MARK1: variants seen among roughly 807,000 people sequenced by gnomAD.
The protein encoded by MARK1 is serine/threonine-protein kinase MARK1.
In MARK1, 40 loss-of-function variants were observed where a neutral mutation model predicts 96.3. That is an observed-to-expected ratio of 0.42 (90% CI 0.32 to 0.54). The LOEUF (loss-of-function observed/expected upper bound fraction) is 0.54, where lower values mean the gene tolerates loss of function less well. MARK1 is among the 20% of genes least tolerant of loss of function. The pLI is 0.16. For synonymous variants in MARK1, 317 were observed against 341.2 expected, an observed-to-expected ratio of 0.93 and a Z score of 0.78; for missense variants, 719 against 984.6, an observed-to-expected ratio of 0.73 and a Z score of 3.61.
chr1:220,608,076 G>A (rs1250421834), intron 6 of MARK1, among the ~76,000 whole-genome samples: 1 of 152,194 alleles, frequency 6.6e-6, no homozygotes, highest in African/African-American at 2.4e-5. Context: ...CATAAAATGA[G>A]TTAGGGAGGA....
chr1:220,657,007 T>A (rs1275208187), intron 16 of MARK1, among the ~76,000 whole-genome samples: 2 of 152,220 alleles, frequency 1.3e-5, no homozygotes, highest in Non-Finnish European at 2.9e-5. Context: ...GCTAAAACAT[T>A]AAGACAGTAT....
chr1:220,612,365 T>A (rs1483425912), intron 6 of MARK1, among the ~76,000 whole-genome samples: 1 of 152,198 alleles, frequency 6.6e-6, no homozygotes, highest in African/African-American at 2.4e-5. Context: ...TAAAATTGGC[T>A]TGGTTTTTTA....
At chr1:220,649,192 A>T (rs958783743) in intron 13 of MARK1, among the ~76,000 whole-genome samples, 1 of 151,794 alleles carries the variant, frequency 6.6e-6, no homozygotes, top group Non-Finnish European at 1.5e-5. Context: ...GCATAATCGA[A>T]TCAATTTTCT....
At chr1:220,660,242 A>G (rs1371300754) in intron 17 of MARK1, among the ~76,000 whole-genome samples, 2 of 152,160 alleles carry the variant, frequency 1.3e-5, no homozygotes, top group Admixed American at 6.5e-5. Flanking sequence ...CTGTGATGCA[A>G]TGGCTTAGAT....
At position 220,615,895 on chromosome 1, in the gene MARK1, GT is replaced by G. The variant is rs762552692; in HGVS notation, c.496-37del. The G allele has an allele frequency of 9.2e-6, 10 of 1,087,698 alleles. No homozygotes were observed. The East Asian group carries it at 2.0e-4, about 22-fold the overall frequency. The allele number at this position is 1,087,698 out of a possible 1,614,324, so 67.4% of individuals were successfully genotyped here. A position where few individuals can be genotyped will look rare whatever the true frequency, so the allele number is the denominator to read the frequency against. On this transcript the variant is annotated intron_variant, in intron 6 of 17. Coordinates refer to ENST00000366917, the MANE Select transcript of MARK1 (RefSeq NM_018650.5). ...GGAGGTGATTATTGGGGAAAATTGC[GT>G]TTTTTTAATAATTTGACTCTTTTAT...
rs1031704298 is a variant in MARK1, at chr1:220,658,034, G to A, written c.2033+200G>A. On this transcript the variant is annotated intron_variant, in intron 17 of 17. Transcript: ENST00000366917. ...AACTTTAAGTTTGTTTTCCAAACAT[G>A]CATTTGAATTGTGTACTTGGTATAG... is the stretch of plus-strand genomic sequence containing the variant. Among the ~76,000 whole-genome samples, 4 of 152,168 alleles carry A rather than the reference G, an allele frequency of 2.6e-5. No individual in the cohort carries two copies. In the South Asian group the frequency reaches 6.2e-4, roughly 24 times the overall value.
At chr1:220,661,060 G>A (rs1348454647) in intron 17 of MARK1, among the ~76,000 whole-genome samples, 2 of 152,210 alleles carry the variant, frequency 1.3e-5, no homozygotes, top group African/African-American at 2.4e-5. Context: ...AGCCATCTGG[G>A]GAGAAGCATT....
chr1:220,606,856 C>T (rs918933899), intron 6 of MARK1, among the ~76,000 whole-genome samples: 1 of 152,076 alleles, frequency 6.6e-6, no homozygotes, highest in Non-Finnish European at 1.5e-5. Flanking sequence ...ATTTCTGAGG[C>T]CTCTGTTCTG....
At chr1:220,568,844 T>TA (rs1329583551) in intron 1 of MARK1, among the ~76,000 whole-genome samples, 1 of 152,172 alleles carries the variant, frequency 6.6e-6, no homozygotes, top group Admixed American at 6.5e-5. Context: ...TTTTTGCTGT[T>TA]ACAAACAGTG....
chr1:220,563,472 C>CA (rs1246404848), intron 1 of MARK1, among the ~76,000 whole-genome samples: 2 of 152,006 alleles, frequency 1.3e-5, no homozygotes, highest in Non-Finnish European at 2.9e-5. Context: ...GTAAATAAGA[C>CA]AGACAAGATT....
At chr1:220,540,445 T>G (rs1251546609) in intron 1 of MARK1, among the ~76,000 whole-genome samples, 1 of 152,258 alleles carries the variant, frequency 6.6e-6, no homozygotes, top group Non-Finnish European at 1.5e-5. Flanking sequence ...TTTGTTCAGT[T>G]GCTGATCAAA....
intron 9 of MARK1, chr1:220,626,737 G>T (rs1186812256): frequency 9.0e-6 from 3 of 333,964 alleles, no homozygotes; most frequent in African/African-American, 6.5e-5. Context: ...CATGAGAATC[G>T]CTTGCACCCT....
At chr1:220,622,014 A>G (rs1276223335) in intron 9 of MARK1, among the ~76,000 whole-genome samples, 2 of 152,120 alleles carry the variant, frequency 1.3e-5, no homozygotes, top group African/African-American at 4.8e-5. Flanking sequence ...CAGTTATATA[A>G]TTTTTTCAGG....
chr1:220,566,307 G>A (rs1273942295), intron 1 of MARK1, among the ~76,000 whole-genome samples: 1 of 152,088 alleles, frequency 6.6e-6, no homozygotes, highest in Non-Finnish European at 1.5e-5. Context: ...GTGACCAGAT[G>A]AAAGAACCAC....
chr1:220,576,565 G>A (rs115328248), intron 1 of MARK1: 1 of 152,138 alleles, frequency 6.6e-6, no homozygotes, highest in African/African-American at 2.4e-5. Flanking sequence ...ATGTGGTATA[G>A]TATTAATATA....
chr1:220,539,759 A>G (rs1661003012), intron 1 of MARK1, among the ~76,000 whole-genome samples: 5 of 151,926 alleles, frequency 3.3e-5, no homozygotes, highest in Admixed American at 3.3e-4. Context: ...TGTGCCGTTG[A>G]AATTGAATTG....
intron 1 of MARK1, among the ~76,000 whole-genome samples, chr1:220,563,833 T>C (rs1219867881): frequency 1.3e-5 from 2 of 152,190 alleles, no homozygotes; most frequent in African/African-American, 4.8e-5. Context: ...TGCTAAAGTC[T>C]GTAGGAATGA....
At position 220,632,202 on chromosome 1, in the gene MARK1, CATT is replaced by C. The variant is rs764461460; in HGVS notation, c.1014_1016del (p.Ile338del). 3 of 1,385,868 alleles carry C rather than the reference CATT, an allele frequency of 2.2e-6. No individual in the cohort carries two copies. Among genetic ancestry groups the C allele is most frequent in the East Asian group, 2.6e-5 (1 of 38,446 alleles). The allele number at this position is 1,385,868 out of a possible 1,614,324, so 85.8% of individuals were successfully genotyped here. ...AATTTCTCTTTTTTAAATTTCTAGA[CATT>C]ATGGTCACCATGGGCTTTGCACGAG... On this transcript the variant is annotated inframe_deletion and splice_region_variant, in exon 11 of 18. Transcript: ENST00000366917.
chr1:220,626,841 AG>A (rs1558307675), intron 9 of MARK1: 3 of 383,408 alleles, frequency 7.8e-6, no homozygotes, highest in South Asian at 4.5e-5. Flanking sequence ...AAAAGGGTTG[AG>A]GGGGGCATGC....
Sources: allele counts gnomAD v4.1 joint callset (sites outside exome capture counted in the v4.1 genomes callset), GRCh38; gene constraint gnomAD v4.1.1; transcripts MANE v1.5; gene names NCBI Gene and HGNC (gene_info 2026-07-23, HGNC 2026-07-21).